Variants in NBPF9 observed in about 807,000 individuals in gnomAD.
NBPF9 encodes the protein NBPF family member NBPF9.
In NBPF9, 91 loss-of-function variants were observed where a neutral mutation model predicts 97.8. The ratio of observed to expected loss-of-function variants is 0.93; its 90% confidence interval spans 0.79 to 1.11. The LOEUF is 1.11. Among genes scored for constraint, NBPF9 ranks in the 50% least tolerant of loss-of-function variants. NBPF9 has a pLI of 0.00. For missense variants in NBPF9, 992 were observed against 939.5 expected, an observed-to-expected ratio of 1.06 and a Z score of -0.73; for synonymous variants, 334 against 359.5, an observed-to-expected ratio of 0.93 and a Z score of 0.80.
intron 11 of NBPF9, among the ~76,000 whole-genome samples, chr1:149,076,318 C>T (rs1329320872): frequency 6.6e-6 from 1 of 151,032 alleles, no homozygotes; most frequent in Admixed American, 6.6e-5. Flanking sequence ...ATCCCTCAGC[C>T]GGCCAAGCAT....
At chr1:149,064,654 T>C (rs1441570343) in intron 18 of NBPF9, 172 bp from the exon 19 acceptor site, 4 of 617,234 alleles carry the variant, frequency 6.5e-6, no homozygotes, top group Middle Eastern at 4.3e-4. Flanking sequence ...AAAACTGGCT[T>C]GGGTTCTTTC....
At chr1:149,072,435 T>G (rs1553653147) in intron 14 of NBPF9, among the ~76,000 whole-genome samples, 1 of 152,054 alleles carries the variant, frequency 6.6e-6, no homozygotes, top group Non-Finnish European at 1.5e-5. Context: ...ACAAGCCTGC[T>G]CCCATCGCAG....
chr1:149,073,674 G>A lies in NBPF9; in HGVS notation c.1091+94C>T, dbSNP rs1341916563. On this transcript the variant is annotated intron_variant, in intron 13 of 29. Transcript: ENST00000584027. ...CCATGGCAATTCCTGCCCTTCCCCT[G>A]GCCCAGCTTAGCTCTTACGTCTCCC... The A allele has an allele frequency of 1.8e-5, 16 of 911,496 alleles. 1 individual carries two copies. The highest frequency in any genetic ancestry group is 3.1e-5 in the African/African-American group (2 of 63,500). The allele number at this position is 911,496 out of a possible 1,614,324, so 56.5% of individuals were successfully genotyped here.
At chr1:149,103,490 C>G (rs1575888192) in exon 1 of NBPF9, 1 of 152,452 alleles carries the variant, frequency 6.6e-6, no homozygotes, top group East Asian at 1.9e-4. Flanking sequence ...GCCGCTGTCT[C>G]AACCGCCGCC....
At chr1:149,074,317 G>T (rs1553653748) in intron 12 of NBPF9, among the ~76,000 whole-genome samples, 1 of 151,284 alleles carries the variant, frequency 6.6e-6, no homozygotes, top group Non-Finnish European at 1.5e-5. Context: ...GTATGCGAAA[G>T]ATTTTTTAAA....
At chr1:149,077,771 G>A (rs2080024641) in intron 10 of NBPF9, 112 bp downstream of exon 10, 3 of 1,459,158 alleles carry the variant, frequency 2.1e-6, no homozygotes, top group African/African-American at 1.4e-5. Context: ...TTCACATACT[G>A]TGGCCAAGGG....
At chr1:149,073,384 A>T (rs1358884016) in intron 13 of NBPF9, among the ~76,000 whole-genome samples, 3 of 141,160 alleles carry the variant, frequency 2.1e-5, no homozygotes, top group African/African-American at 8.0e-5. Flanking sequence ...GGCAACATTG[A>T]TTGAGTGAAA....
intron 19 of NBPF9, 50 bp downstream of exon 19, chr1:149,064,381 A>G (rs782284752): frequency 5.1e-6 from 4 of 787,820 alleles, no homozygotes; most frequent in Admixed American, 3.5e-5. Flanking sequence ...TGGACTTGGC[A>G]TCTCCAGGTG....
intron 26 of NBPF9, 98 bp downstream of exon 26, chr1:149,058,827 G>A: frequency 2.8e-6 from 2 of 715,906 alleles, no homozygotes; most frequent in Non-Finnish European, 5.1e-6. Flanking sequence ...CTGTGGCAAT[G>A]ACATCTCTCA....
chr1:149,099,448 G>GTTCA (rs1439558236), intron 3 of NBPF9, among the ~76,000 whole-genome samples: 1 of 152,162 alleles, frequency 6.6e-6, no homozygotes, highest in Non-Finnish European at 1.5e-5. Context: ...ATATTAGTAT[G>GTTCA]TTCATTCATT....
rs587636414 is a variant in NBPF9 at position 149,072,508 on chromosome 1, C to T, written c.1306+210G>A. ...TCTTGCTCCAAAGACCACCTTCCAT[C>T]AAGGGAGGAGGGACACTTGCAATAA... is the stretch of plus-strand genomic sequence containing the variant. On this transcript the variant is annotated intron_variant, in intron 14 of 29. Coordinates refer to ENST00000584027, the Ensembl canonical transcript of NBPF9. Among the ~76,000 whole-genome samples the T allele has an allele frequency of 2.3e-4, 35 of 152,254 alleles. No individual in the cohort carries two copies. The East Asian group carries it at 6.2e-3, about 27-fold the overall frequency.
At chr1:149,079,454 C>T (rs9441143) in intron 8 of NBPF9, among the ~76,000 whole-genome samples, 3 of 151,156 alleles carry the variant, frequency 2.0e-5, no homozygotes, top group South Asian at 2.1e-4. Flanking sequence ...TTCATCTTTC[C>T]CTTCTGTAAA....
chr1:149,090,461 A>C (rs2081343201), intron 5 of NBPF9: 1 of 263,970 alleles, frequency 3.8e-6, no homozygotes, highest in Non-Finnish European at 7.2e-6. Flanking sequence ...CAGACAATAA[A>C]TTTGCATATT....
At chr1:149,052,284 C>T (rs4067618), downstream of NBPF9, among the ~76,000 whole-genome samples, 121 of 151,802 alleles carry the variant, frequency 8.0e-4, 2 homozygotes, top group Admixed American at 3.7e-3. Flanking sequence ...CTCAACAGTA[C>T]TAAGAGAACA....
At chr1:149,054,566 C>T (rs879950379) in exon 30 of NBPF9, 41 of 144,576 alleles carry the variant, frequency 2.8e-4, no homozygotes, top group Middle Eastern at 3.5e-3. Flanking sequence ...GCAGTGTTCC[C>T]GGCAAAACGT....
chr1:149,086,294 A>G (rs1378976800), intron 5 of NBPF9, among the ~76,000 whole-genome samples: 1 of 151,850 alleles, frequency 6.6e-6, no homozygotes. Context: ...AAAAAAAAAG[A>G]AGCCAGTGCC....
At chr1:149,056,273 T>G (rs1553648967) in intron 29 of NBPF9, among the ~76,000 whole-genome samples, 7 of 136,476 alleles carry the variant, frequency 5.1e-5, no homozygotes, top group African/African-American at 1.7e-4. Context: ...CAAAATTCGA[T>G]GCAGTGGCCA....
At chr1:149,071,970 C>T (rs1483277081) in intron 14 of NBPF9, among the ~76,000 whole-genome samples, 5 of 149,182 alleles carry the variant, frequency 3.4e-5, no homozygotes, top group African/African-American at 1.2e-4. Context: ...GCTGTCTCCC[C>T]CATCCTGCCA....
chr1:149,095,567 T>C (rs2081694023), intron 4 of NBPF9, among the ~76,000 whole-genome samples: 1 of 137,768 alleles, frequency 7.3e-6, no homozygotes, highest in African/African-American at 2.7e-5. Context: ...AATAATCTGA[T>C]GGAAAAACTG....
Sources: allele counts gnomAD v4.1 joint callset (sites outside exome capture counted in the v4.1 genomes callset), GRCh38; gene constraint gnomAD v4.1.1; transcripts MANE v1.5; gene names NCBI Gene and HGNC (gene_info 2026-07-23, HGNC 2026-07-21).